The following SLC30A9 variants were observed in gnomAD, a reference collection of about 807,000 sequenced individuals.
SLC30A9 encodes solute carrier family 30 member 9.
A neutral mutation model predicts 87.5 loss-of-function variants in SLC30A9; 58 were observed. That is an observed-to-expected ratio of 0.66 (90% CI 0.54 to 0.82). The LOEUF is 0.82. Ranked by LOEUF, SLC30A9 falls within the 40% of genes least tolerant of loss-of-function variation. The pLI is 0.00. For missense variants in SLC30A9, 557 were observed against 679.1 expected (o/e 0.82, Z 2.00); for synonymous variants, 234 against 233.0 (o/e 1.00, Z -0.04).
intron 7 of SLC30A9, among the ~76,000 whole-genome samples, chr4:42,036,003 T>TC (rs1291908937): frequency 6.6e-6 from 1 of 152,186 alleles, no homozygotes; most frequent in East Asian, 1.9e-4. Flanking sequence ...TGTGCTTGTA[T>TC]CCAAGAAGCT....
chr4:42,013,495 A>G (rs1366292186), intron 2 of SLC30A9, among the ~76,000 whole-genome samples: 1 of 152,218 alleles, frequency 6.6e-6, no homozygotes, highest in Non-Finnish European at 1.5e-5. Context: ...GCATAGGTTT[A>G]GGTTACTAAA....
At chr4:42,070,444 G>A (rs758783743) in intron 14 of SLC30A9, 82 bp from the exon 15 acceptor site, 58 of 1,067,202 alleles carry the variant, frequency 5.4e-5, no homozygotes, top group African/African-American at 3.6e-4. Context: ...TGATTTACTC[G>A]TTCTGGTTCT....
Position 42,013,086 on chromosome 4 carries a change from G to C in SLC30A9, c.275-5025G>C, listed in dbSNP as rs555014759. Among the ~76,000 whole-genome samples the C allele has an allele frequency of 2.6e-5, 4 of 152,064 alleles. No individual in the cohort carries two copies. In the East Asian group the frequency reaches 7.7e-4, roughly 29 times the overall value. On this transcript the variant is annotated intron_variant, in intron 2 of 17. Transcript: ENST00000264451. ...ACTTGAGCCCAGGAGTTTGAGACCA[G>C]TCTGGGCAACATAGTGAGACTTCAT...
chr4:42,059,063 A>G (rs545558367), intron 9 of SLC30A9, among the ~76,000 whole-genome samples: 2 of 152,278 alleles, frequency 1.3e-5, no homozygotes, highest in Non-Finnish European at 2.9e-5. Context: ...CTAAAAATAT[A>G]TTTGTATTAA....
chr4:42,025,529 T>C (rs962567417), intron 6 of SLC30A9, among the ~76,000 whole-genome samples: 5 of 152,318 alleles, frequency 3.3e-5, no homozygotes, highest in Middle Eastern at 6.8e-3. Context: ...AATCATCTAG[T>C]TGTTGAATAA....
intron 17 of SLC30A9, among the ~76,000 whole-genome samples, chr4:42,084,987 G>C (rs79817230): frequency 0.017 from 2,653 of 152,284 alleles, 38 homozygotes; most frequent in Non-Finnish European, 0.028. Flanking sequence ...GACAGTATTG[G>C]TTGTTATTGA....
intron 7 of SLC30A9, 64 bp from the exon 8 acceptor site, chr4:42,038,922 A>T: frequency 9.5e-7 from 1 of 1,050,532 alleles, no homozygotes; most frequent in Non-Finnish European, 1.5e-6. Context: ...TGTCAAAGCC[A>T]CCAGTTACAG....
chr4:42,047,762 A>T (rs184616464), intron 8 of SLC30A9, among the ~76,000 whole-genome samples: 51 of 152,350 alleles, frequency 3.3e-4, no homozygotes, highest in African/African-American at 1.1e-3. Context: ...TCATTCTACT[A>T]TAAAGACACA....
chr4:42,029,524 A>G (rs1716333298), intron 6 of SLC30A9: 1 of 678,566 alleles, frequency 1.5e-6, no homozygotes, highest in Non-Finnish European at 2.7e-6. Context: ...ATATGTGCTG[A>G]ACGTAGTTAG....
At chr4:42,033,842 T>C (rs1327395762) in intron 6 of SLC30A9, among the ~76,000 whole-genome samples, 2 of 152,220 alleles carry the variant, frequency 1.3e-5, no homozygotes, top group South Asian at 4.1e-4. Context: ...CCCAAAGTGC[T>C]GGGATTACAG....
chr4:42,047,411 G>A (rs1477427330), intron 8 of SLC30A9, among the ~76,000 whole-genome samples: 5 of 152,176 alleles, frequency 3.3e-5, no homozygotes, highest in Non-Finnish European at 7.3e-5. Flanking sequence ...ATCAAAAAGT[G>A]GGTGAAGGAT....
Position 42,011,117 on chromosome 4 carries a change from A to G in SLC30A9, c.275-6994A>G, listed in dbSNP as rs181893862. 8.3e-4 allele frequency among the ~76,000 whole-genome samples: 127 copies of G among 152,276 alleles called. 1 individual carries two copies. The highest frequency in any genetic ancestry group is 6.8e-3 in the Admixed American group (104 of 15,292). On this transcript the variant is annotated intron_variant, in intron 2 of 17. Transcript: ENST00000264451. ...TCATGCTGCTATGAGGAAATACCTG[A>G]GCCTGGGTAATTTATGAAGAAAAGA...
intron 11 of SLC30A9, 109 bp downstream of exon 11, chr4:42,063,230 T>A: frequency 1.1e-6 from 1 of 925,962 alleles, no homozygotes; most frequent in Non-Finnish European, 1.6e-6. Flanking sequence ...TACACCTTCT[T>A]GACTGTGTAT....
intron 6 of SLC30A9, among the ~76,000 whole-genome samples, chr4:42,031,075 C>A (rs1039501276): frequency 2.0e-5 from 3 of 152,050 alleles, no homozygotes; most frequent in African/African-American, 7.2e-5. Context: ...ATGAAATAAA[C>A]CACAGTCACT....
chr4:42,041,923 G>A (rs1454451028), intron 8 of SLC30A9, among the ~76,000 whole-genome samples: 1 of 152,160 alleles, frequency 6.6e-6, no homozygotes, highest in Non-Finnish European at 1.5e-5. Context: ...CCGAAGCAGG[G>A]TGGGGCATTG....
At chr4:41,991,248 G>A (rs1191888306) in intron 1 of SLC30A9, among the ~76,000 whole-genome samples, 1 of 152,232 alleles carries the variant, frequency 6.6e-6, no homozygotes, top group Non-Finnish European at 1.5e-5. Context: ...ACTCACTACG[G>A]ATCTTTTGGA....
rs1414018640 is a variant in SLC30A9 at position 42,088,249 on chromosome 4, A to G, written c.*2123A>G. On this transcript the variant is annotated 3_prime_UTR_variant, in exon 18 of 18. Transcript: ENST00000264451. ...TTTTTCTAGAGTCACTGAATTTTCA[A>G]ATCAGAGAATTTGGGCTGGATATGG... 1 of 152,116 alleles carries G rather than the reference A, an allele frequency of 6.6e-6. No homozygotes were observed. Among genetic ancestry groups the G allele is most frequent in the Non-Finnish European group, 1.5e-5 (1 of 68,024 alleles). 9.4% of individuals were successfully genotyped at this position (152,116 alleles called of 1,614,324 possible). A position where few individuals can be genotyped will look rare whatever the true frequency, so the allele number is the denominator to read the frequency against.
At chr4:42,031,297 G>A (rs1716425365) in intron 6 of SLC30A9, among the ~76,000 whole-genome samples, 1 of 151,684 alleles carries the variant, frequency 6.6e-6, no homozygotes, top group East Asian at 1.9e-4. Context: ...ATCTGCAGCA[G>A]ATATATTTTC....
At chr4:42,001,503 G>A in intron 1 of SLC30A9, 113 bp from the exon 2 acceptor site, 1 of 526,424 alleles carries the variant, frequency 1.9e-6, no homozygotes, top group Non-Finnish European at 3.4e-6. Context: ...TTACAAAATG[G>A]TATTTCATGT....
Sources: allele counts gnomAD v4.1 joint callset (sites outside exome capture counted in the v4.1 genomes callset), GRCh38; gene constraint gnomAD v4.1.1; transcripts MANE v1.5; gene names NCBI Gene and HGNC (gene_info 2026-07-23, HGNC 2026-07-21).